KLF12: variants seen among roughly 807,000 people sequenced by gnomAD.
The protein encoded by KLF12 is KLF transcription factor 12.
Under a neutral mutation model 37.8 loss-of-function variants are expected in KLF12, and 9 were observed. That is an observed-to-expected ratio of 0.24 (90% confidence interval 0.14 to 0.42). The LOEUF is 0.42. KLF12 is among the 10% of genes least tolerant of loss of function. The probability of loss-of-function intolerance (pLI) is 1.00; values close to 1 mark genes in which losing one functional copy is unlikely to be tolerated. For missense variants in KLF12, 411 were observed against 516.0 expected, an observed-to-expected ratio of 0.80 and a Z score of 1.97; for synonymous variants, 208 against 202.1, an observed-to-expected ratio of 1.03 and a Z score of -0.25.
the KLF12 span, among the ~76,000 whole-genome samples, chr13:74,249,868 C>T: frequency 3.9e-5 from 6 of 152,192 alleles, no homozygotes; most frequent in South Asian, 8.3e-4. Context: ...TCTGGAAGTT[C>T]CTGAGGCTGG....
chr13:73,880,968 T>C (rs1325836585), intron 3 of KLF12, among the ~76,000 whole-genome samples: 1 of 152,228 alleles, frequency 6.6e-6, no homozygotes, highest in South Asian at 2.1e-4. Context: ...TTTAAGTAAG[T>C]CTGATATCTG....
At chr13:74,071,496 C>T (rs987137798) in intron 1 of KLF12, among the ~76,000 whole-genome samples, 3 of 150,364 alleles carry the variant, frequency 2.0e-5, no homozygotes, top group Non-Finnish European at 4.4e-5. Flanking sequence ...ACCATCCTGG[C>T]TAACACAGTG....
At chr13:73,845,735 G>A in intron 4 of KLF12, 92 bp downstream of exon 4, 1 of 1,136,146 alleles carries the variant, frequency 8.8e-7, no homozygotes, top group Non-Finnish European at 1.3e-6. Flanking sequence ...TTCTTTAGAT[G>A]TAGTGTTTGT....
chr13:74,041,352 T>G (rs1251744827), intron 1 of KLF12, among the ~76,000 whole-genome samples: 1 of 152,204 alleles, frequency 6.6e-6, no homozygotes, highest in East Asian at 1.9e-4. Context: ...AAGACTGGCT[T>G]TGTCCCACAC....
intron 1 of KLF12, among the ~76,000 whole-genome samples, chr13:74,003,920 C>T (rs1363462751): frequency 6.6e-6 from 1 of 152,058 alleles, no homozygotes; most frequent in Non-Finnish European, 1.5e-5. Context: ...ACAAAAACTG[C>T]CCCACTGCAG....
At chr13:74,287,827 G>A in the KLF12 span, among the ~76,000 whole-genome samples, 1 of 152,178 alleles carries the variant, frequency 6.6e-6, no homozygotes, top group East Asian at 1.9e-4. Context: ...AGAGCAACTT[G>A]TGTGCAAAGT....
At chr13:73,971,746 C>T (rs890211929) in intron 2 of KLF12, among the ~76,000 whole-genome samples, 4 of 152,182 alleles carry the variant, frequency 2.6e-5, no homozygotes, top group African/African-American at 9.7e-5. Flanking sequence ...ACAGAGCTAA[C>T]AGGCTCGGCA....
chr13:73,780,471 G>GTTTTTTTTTTTT (rs58306980), intron 5 of KLF12, among the ~76,000 whole-genome samples: 1 of 145,370 alleles, frequency 6.9e-6, no homozygotes, highest in Non-Finnish European at 1.5e-5. Context: ...CCAAGGAATG[G>GTTTTTTTTTTTT]TTTTTTTTTT....
At chr13:74,190,749 TTATA>T in the KLF12 span, among the ~76,000 whole-genome samples, 1 of 152,178 alleles carries the variant, frequency 6.6e-6, no homozygotes, top group Non-Finnish European at 1.5e-5. Context: ...CATAGAGACT[TTATA>T]AAGTAGATAT....
At chr13:73,766,441 G>C (rs1407953038) in intron 5 of KLF12, among the ~76,000 whole-genome samples, 2 of 152,162 alleles carry the variant, frequency 1.3e-5, no homozygotes, top group African/African-American at 4.8e-5. Context: ...AAGGCAGCAA[G>C]CGTAATTTTT....
rs149804646 is a variant in KLF12, at chr13:73,904,087, G to C, written c.123+39894C>G. Among the ~76,000 whole-genome samples, 407 of 152,268 alleles carry C rather than the reference G, an allele frequency of 2.7e-3. 1 individual carries two copies. Among genetic ancestry groups the C allele is most frequent in the African/African-American group, 9.2e-3 (382 of 41,560 alleles). On this transcript the variant is annotated intron_variant, in intron 3 of 7. Coordinates refer to ENST00000377669, the MANE Select transcript of KLF12 (RefSeq NM_007249.5). ...ATTTTTAAAGACAAATACAACATGG[G>C]CAATCAACAACCTTTGGGCAAACCT...
At chr13:74,270,914 T>G in the KLF12 span, among the ~76,000 whole-genome samples, 1 of 152,152 alleles carries the variant, frequency 6.6e-6, no homozygotes. Flanking sequence ...GTAAATTCTC[T>G]TTTTGCTTAG....
intron 3 of KLF12, among the ~76,000 whole-genome samples, chr13:73,909,393 T>A (rs1417712197): frequency 6.6e-6 from 1 of 152,184 alleles, no homozygotes; most frequent in East Asian, 1.9e-4. Context: ...CCTCCTGAAG[T>A]ACACATGATG....
At chr13:74,080,890 T>C (rs1874846649) in intron 1 of KLF12, among the ~76,000 whole-genome samples, 2 of 152,204 alleles carry the variant, frequency 1.3e-5, no homozygotes, top group African/African-American at 4.8e-5. Context: ...AGGAAGCCCT[T>C]TAAGTCTCTC....
At chr13:74,054,537 C>T (rs114447294) in intron 1 of KLF12, among the ~76,000 whole-genome samples, 1,524 of 151,888 alleles carry the variant, frequency 0.01, 29 homozygotes, top group African/African-American at 0.034. Context: ...CAAAAGAGAA[C>T]TTCAAGATTA....
At chr13:73,894,608 A>G (rs1887671162) in intron 3 of KLF12, among the ~76,000 whole-genome samples, 1 of 152,194 alleles carries the variant, frequency 6.6e-6, no homozygotes, top group African/African-American at 2.4e-5. Flanking sequence ...CATTTGAGGT[A>G]TTCAATCAAT....
intron 1 of KLF12, among the ~76,000 whole-genome samples, chr13:74,037,335 T>C (rs1306142990): frequency 1.3e-5 from 2 of 152,108 alleles, no homozygotes; most frequent in Non-Finnish European, 2.9e-5. Flanking sequence ...CATGGATCAC[T>C]GTATCTGCAA....
chr13:74,022,392 T>C (rs930946976), intron 1 of KLF12, among the ~76,000 whole-genome samples: 6 of 150,210 alleles, frequency 4.0e-5, no homozygotes, highest in African/African-American at 1.5e-4. Flanking sequence ...TACACACACA[T>C]TAAGTCCCCT....
At chr13:74,018,076 A>C (rs1323276612) in intron 1 of KLF12, among the ~76,000 whole-genome samples, 2 of 151,038 alleles carry the variant, frequency 1.3e-5, no homozygotes, top group Non-Finnish European at 2.9e-5. Flanking sequence ...AAATTCTTAT[A>C]ATTACTGCTT....
Sources: gnomAD v4.1 joint callset for allele counts (sites outside exome capture counted in the v4.1 genomes callset) on GRCh38, gnomAD v4.1.1 for gene constraint, MANE v1.5 for transcripts, NCBI Gene and HGNC (gene_info 2026-07-23, HGNC 2026-07-21) for gene names.